TOGARAM2: variants seen among roughly 807,000 people sequenced by gnomAD.
TOGARAM2 encodes the protein TOG array regulator of axonemal microtubules protein 2.
In TOGARAM2, 85 loss-of-function variants were observed where a neutral mutation model predicts 93.3. The observed-to-expected ratio is 0.91, with a 90% CI of 0.76 to 1.09. The LOEUF (loss-of-function observed/expected upper bound fraction) is 1.09. Ranked by LOEUF, TOGARAM2 falls within the 50% of genes least tolerant of loss-of-function variation. The pLI is 0.00. For synonymous variants in TOGARAM2, 593 were observed against 552.8 expected, an observed-to-expected ratio of 1.07 and a Z score of -1.02; for missense variants, 1,277 against 1,334.5, an observed-to-expected ratio of 0.96 and a Z score of 0.67.
chr2:29,028,818 G>A (rs1028749311), intron 14 of TOGARAM2, among the ~76,000 whole-genome samples: 3 of 152,154 alleles, frequency 2.0e-5, no homozygotes, highest in Non-Finnish European at 2.9e-5. Flanking sequence ...TTTCAAAGAC[G>A]AACTGAAGAT....
At chr2:29,006,150 C>T (rs7584895) in intron 6 of TOGARAM2, among the ~76,000 whole-genome samples, 58,520 of 134,558 alleles carry the variant, frequency 0.43, 14,277 homozygotes, top group Middle Eastern at 0.56. Context: ...CATGCATGTG[C>T]GTAAGTACAT....
intron 19 of TOGARAM2, chr2:29,045,627 C>A: frequency 1.8e-6 from 1 of 551,490 alleles, no homozygotes; most frequent in East Asian, 3.1e-5. Flanking sequence ...TGTACAAAAG[C>A]AAAAGTGTTT....
At chr2:29,014,273 T>C (rs896255113) in intron 7 of TOGARAM2, 122 bp from the exon 8 acceptor site, 3 of 1,205,336 alleles carry the variant, frequency 2.5e-6, no homozygotes, top group African/African-American at 1.5e-5. Context: ...ACTCAGGTCT[T>C]GCTCCATTGA....
intron 17 of TOGARAM2, among the ~76,000 whole-genome samples, chr2:29,036,108 CA>C (rs1475476970): frequency 6.6e-6 from 1 of 152,142 alleles, no homozygotes. Context: ...GTCAGTTACA[CA>C]GCTGAGCAAA....
Position 29,051,940 on chromosome 2 carries a change from G to GGACTTTGCCGCCAGCCA in TOGARAM2, c.2909_2925dup (p.Pro976ThrfsTer18). Reference sequence around the variant, plus strand: ...AGGAGCACATGGGCTCCCGCCTGCTGGACTTTGCCGCCAGCCAGCCAAAGC... The same window carrying GGACTTTGCCGCCAGCCA: ...AGGAGCACATGGGCTCCCGCCTGCTGGACTTTGCCGCCAGCCAGACTTTGCCGCCAGCCAGCCAAAGC... On this transcript the variant is annotated frameshift_variant, in exon 20 of 20. Transcript: ENST00000379558. LOFTEE classifies it low-confidence loss of function (END_TRUNC). 1 of 1,606,370 alleles carries GGACTTTGCCGCCAGCCA rather than the reference G, an allele frequency of 6.2e-7. No homozygotes were observed. Among genetic ancestry groups the GGACTTTGCCGCCAGCCA allele is most frequent in the Non-Finnish European group, 8.5e-7 (1 of 1,176,866 alleles).
chr2:29,002,640 AT>A lies in TOGARAM2; in HGVS notation c.533del (p.Ile178ThrfsTer30), dbSNP rs1673374340. 6.2e-7 allele frequency: 1 copy of A among 1,613,606 alleles called. No individual in the cohort carries two copies. Among genetic ancestry groups the A allele is most frequent in the African/African-American group, 1.3e-5 (1 of 74,910 alleles). On this transcript the variant is annotated frameshift_variant, in exon 5 of 20. Transcript: ENST00000379558. LOFTEE classifies it high-confidence loss of function. ...GAGGGTGCCCAGGCCGATGCCTCTC[AT>A]CCAGAGCATCCCTACCACCCCTGAG... is the stretch of plus-strand genomic sequence containing the variant. ...LLRVPRPMPL[I>X]QSIPTTPEAS...
chr2:28,959,155 A>T (rs1317040603), intron 1 of TOGARAM2, among the ~76,000 whole-genome samples: 8 of 152,198 alleles, frequency 5.3e-5, no homozygotes, highest in African/African-American at 1.4e-4. Context: ...CGGGCTACAG[A>T]TGCTAACCCG....
intron 16 of TOGARAM2, among the ~76,000 whole-genome samples, chr2:29,034,282 C>T (rs117342512): frequency 6.6e-6 from 1 of 152,212 alleles, no homozygotes; most frequent in South Asian, 2.1e-4. Flanking sequence ...ATCCTAGACA[C>T]CATCTGCACC....
chr2:29,032,739 G>A (rs1225842937), intron 14 of TOGARAM2, 195 bp from the exon 15 acceptor site: 3 of 522,102 alleles, frequency 5.7e-6, no homozygotes, highest in Non-Finnish European at 1.0e-5. Context: ...ATTTAATAGG[G>A]ATTTTCTCTT....
At chr2:29,031,305 G>C (rs544314038) in intron 14 of TOGARAM2, among the ~76,000 whole-genome samples, 2 of 152,336 alleles carry the variant, frequency 1.3e-5, no homozygotes, top group East Asian at 1.9e-4. Flanking sequence ...AAATAGCTGA[G>C]ACAATAGGTG....
chr2:29,036,510 C>G, intron 17 of TOGARAM2, 31 bp from the exon 18 acceptor site: 1 of 1,611,948 alleles, frequency 6.2e-7, no homozygotes, highest in South Asian at 1.1e-5. Flanking sequence ...CCTGGGTTCC[C>G]ATGGGCTCTT....
At chr2:29,047,571 A>C (rs1167450959) in intron 19 of TOGARAM2, 6 of 152,210 alleles carry the variant, frequency 3.9e-5, no homozygotes. Context: ...CTTGAGTTTA[A>C]TGGGGCTTGC....
chr2:28,968,278 T>G (rs1476248645), intron 1 of TOGARAM2, among the ~76,000 whole-genome samples: 1 of 152,178 alleles, frequency 6.6e-6, no homozygotes, highest in African/African-American at 2.4e-5. Context: ...CTTTTCCAGC[T>G]AGGTCTTCTC....
intron 4 of TOGARAM2, 129 bp downstream of exon 4, chr2:28,999,597 A>G: frequency 1.9e-6 from 2 of 1,079,280 alleles, no homozygotes; most frequent in South Asian, 3.3e-5. Context: ...ATCGGTGGGT[A>G]CATACCAGGT....
intron 4 of TOGARAM2, among the ~76,000 whole-genome samples, chr2:29,000,634 G>A (rs1235399665): frequency 1.4e-4 from 22 of 152,180 alleles, no homozygotes; most frequent in Non-Finnish European, 1.3e-4. Flanking sequence ...GAAAGGGGAA[G>A]TGCTCTCAAG....
rs764346644 is a variant in TOGARAM2, at chr2:29,026,944, A to G, written c.1945A>G (p.Arg649Gly). 6.3e-7 allele frequency: 1 copy of G among 1,575,154 alleles called. No individual in the cohort carries two copies. Among genetic ancestry groups the G allele is most frequent in the Non-Finnish European group, 8.6e-7 (1 of 1,160,244 alleles). Residue 649 changes from arginine (R) to glycine (G), a missense_variant, in exon 14 of 20, where the codon AGA (arginine) becomes GGA (glycine). Coordinates refer to ENST00000379558, the MANE Select transcript of TOGARAM2 (RefSeq NM_199280.4). Reference protein sequence around the residue: ...IGAEKLLSGTRDSTDMLVHNL... With the variant: ...IGAEKLLSGTGDSTDMLVHNL... ...CGCTGAGAAGCTTCTCTCGGGCACC[A>G]GAGACAGCACAGACATGTTGGTGCA...
In TOGARAM2 at chr2:29,036,598, G is replaced by A; in HGVS notation, c.2476G>A (p.Ala826Thr). The change falls in exon 18 of 20, where the codon GCG (alanine) becomes ACG (threonine). Residue 826 changes from alanine (A) to threonine (T), a missense_variant. Coordinates refer to ENST00000379558, the MANE Select transcript of TOGARAM2 (RefSeq NM_199280.4). ...TTCCAACAAGAAAGTGAACCAGTGG[G>A]CGCTGGAGTCCTTCGCCAAGATGAT... is the stretch of plus-strand genomic sequence containing the variant. ...QDSNKKVNQW[A>T]LESFAKMIPL... The A allele has an allele frequency of 6.2e-7, 1 of 1,613,962 alleles. No homozygotes were observed. Among genetic ancestry groups the A allele is most frequent in the Non-Finnish European group, 8.5e-7 (1 of 1,179,896 alleles).
chr2:28,965,472 C>T (rs775369165), intron 1 of TOGARAM2, among the ~76,000 whole-genome samples: 6 of 152,134 alleles, frequency 3.9e-5, no homozygotes, highest in East Asian at 1.9e-4. Flanking sequence ...TCATGTGCGT[C>T]GCCATGTGCA....
chr2:29,041,799 G>C (rs1176962982), intron 18 of TOGARAM2, among the ~76,000 whole-genome samples: 1 of 152,210 alleles, frequency 6.6e-6, no homozygotes, highest in Non-Finnish European at 1.5e-5. Flanking sequence ...ATGGAGTGTA[G>C]ATTTTCAGCT....
Sources: gnomAD v4.1 joint callset for allele counts (sites outside exome capture counted in the v4.1 genomes callset) on GRCh38, gnomAD v4.1.1 for gene constraint, MANE v1.5 for transcripts, NCBI Gene and HGNC (gene_info 2026-07-23, HGNC 2026-07-21) for gene names.